CSRP3: variants seen among roughly 807,000 people sequenced by gnomAD.
CSRP3 encodes the protein cysteine and glycine-rich protein 3.
In CSRP3, 24 loss-of-function variants were observed where a neutral mutation model predicts 24.3. That is an observed-to-expected ratio of 0.99 (90% CI 0.71 to 1.39). The LOEUF (loss-of-function observed/expected upper bound fraction) is 1.39. CSRP3 is among the 40% of genes most tolerant of loss of function. CSRP3 has a pLI of 0.00. For synonymous variants in CSRP3, 105 were observed against 94.0 expected, an observed-to-expected ratio of 1.12 and a Z score of -0.68; for missense variants, 240 against 249.0, an observed-to-expected ratio of 0.96 and a Z score of 0.24.
chr11:19,198,289 A>G (rs1051775076), intron 1 of CSRP3, among the ~76,000 whole-genome samples: 1 of 152,208 alleles, frequency 6.6e-6, no homozygotes, highest in African/African-American at 2.4e-5. Flanking sequence ...TGTTTATAAC[A>G]CTGGAGAGAG....
chr11:19,193,114 C>T (rs1850642175), intron 1 of CSRP3, among the ~76,000 whole-genome samples: 1 of 152,148 alleles, frequency 6.6e-6, no homozygotes, highest in Admixed American at 6.5e-5. Flanking sequence ...TCCATACATT[C>T]CTTTTTAAGA....
At chr11:19,193,342 C>A (rs1174767397) in intron 1 of CSRP3, among the ~76,000 whole-genome samples, 2 of 152,128 alleles carry the variant, frequency 1.3e-5, no homozygotes, top group Non-Finnish European at 2.9e-5. Context: ...AGGAAGGTCC[C>A]ACAGAGTTCA....
At position 19,182,813 on chromosome 11, in the gene CSRP3, C is replaced by T; in HGVS notation, c.509-67G>A. Reference sequence around the variant, plus strand: ...TTAGTGCCATTTTTTTCAGGGCTTTCTGTCTGAGCACAGTCCTTTTAATTA... The same window carrying T: ...TTAGTGCCATTTTTTTCAGGGCTTTTTGTCTGAGCACAGTCCTTTTAATTA... On this transcript the variant is annotated intron_variant, in intron 5 of 5. Transcript: ENST00000265968. 2.8e-6 allele frequency: 3 copies of T among 1,082,230 alleles called. No homozygotes were observed. In the South Asian group the frequency reaches 3.7e-5, roughly 13 times the overall value. The allele number at this position is 1,082,230 out of a possible 1,614,324, so 67.0% of individuals were successfully genotyped here.
chr11:19,189,974 T>C (rs1012196620), intron 2 of CSRP3, among the ~76,000 whole-genome samples: 1 of 152,234 alleles, frequency 6.6e-6, no homozygotes, highest in African/African-American at 2.4e-5. Context: ...TGCTTGCATA[T>C]TTGCTGATGG....
intron 2 of CSRP3, among the ~76,000 whole-genome samples, chr11:19,190,044 C>T (rs1850590202): frequency 6.6e-6 from 1 of 152,214 alleles, no homozygotes; most frequent in African/African-American, 2.4e-5. Flanking sequence ...GAGAATTTAG[C>T]ACAAGGCCTG....
chr11:19,192,439 A>G lies in CSRP3; in HGVS notation c.10T>C (p.Trp4Arg), dbSNP rs45550635. MPN[W>R]GGGAKCGACE... Reference sequence around the variant, plus strand: ...GCTCCACATTTTGCGCCTCCGCCCCAGTTTGGCATCTTGAAGACTATCTGG... The same window carrying G: ...GCTCCACATTTTGCGCCTCCGCCCCGGTTTGGCATCTTGAAGACTATCTGG... Residue 4 changes from tryptophan (W) to arginine (R), a missense_variant, in exon 2 of 6, where the codon TGG becomes CGG. By Grantham distance (101) the Trp-to-Arg change is moderately radical. Transcript: ENST00000265968. 6,297 of 1,613,994 alleles carry G rather than the reference A, an allele frequency of 3.9e-3. 17 individuals carry two copies. Among genetic ancestry groups the G allele is most frequent in the Non-Finnish European group, 5.0e-3 (5,879 of 1,179,868 alleles).
chr11:19,192,734 A>G (rs1359637076), intron 1 of CSRP3, among the ~76,000 whole-genome samples: 1 of 152,202 alleles, frequency 6.6e-6, no homozygotes, highest in Non-Finnish European at 1.5e-5. Flanking sequence ...ATTCCTATGT[A>G]TCTCACAGGG....
chr11:19,195,066 A>T (rs1850676469), intron 1 of CSRP3, among the ~76,000 whole-genome samples: 1 of 152,000 alleles, frequency 6.6e-6, no homozygotes, highest in Non-Finnish European at 1.5e-5. Flanking sequence ...TAGTCTGGGG[A>T]TAAAGGCAGT....
intron 1 of CSRP3, among the ~76,000 whole-genome samples, chr11:19,195,370 T>C (rs760851791): frequency 2.6e-5 from 4 of 152,184 alleles, no homozygotes; most frequent in Non-Finnish European, 5.9e-5. Context: ...GATATTTTTC[T>C]TAGCCAACTT....
In CSRP3 at chr11:19,182,685, C is replaced by T; in HGVS notation, c.570G>A (p.Val190=). 1 of 1,614,124 alleles carries T rather than the reference C, an allele frequency of 6.2e-7. No homozygotes were observed. The stretch of plus-strand genomic sequence containing the variant: ...GCGCACCTCTTCATTCTTTCTTTTC[C>T]ACTTGTTGTGTAAGGCCTCCAAACC... ...GIGFGGLTQQ[V]EKKE Residue 190 remains valine (V), a synonymous_variant, in exon 6 of 6, where the codon GTG becomes GTA. Coordinates refer to ENST00000265968, the MANE Select transcript of CSRP3 (RefSeq NM_003476.5).
At chr11:19,186,785 G>T (rs1850533540) in intron 3 of CSRP3, among the ~76,000 whole-genome samples, 3 of 152,182 alleles carry the variant, frequency 2.0e-5, no homozygotes. Context: ...TTGACAATGG[G>T]TGCTAATCAG....
At chr11:19,191,914 A>G (rs1408212513) in intron 2 of CSRP3, among the ~76,000 whole-genome samples, 1 of 152,220 alleles carries the variant, frequency 6.6e-6, no homozygotes, top group African/African-American at 2.4e-5. Flanking sequence ...AGACAAGACC[A>G]GTCACAGCTG....
chr11:19,184,810 T>C, intron 5 of CSRP3, 142 bp downstream of exon 5: 1 of 727,594 alleles, frequency 1.4e-6, no homozygotes, highest in South Asian at 1.5e-5. Context: ...GTGGTTTTGC[T>C]CCTGAGAACC....
At chr11:19,195,567 T>A (rs1159858742) in intron 1 of CSRP3, among the ~76,000 whole-genome samples, 2 of 152,194 alleles carry the variant, frequency 1.3e-5, no homozygotes, top group African/African-American at 4.8e-5. Flanking sequence ...ATATAGAAAT[T>A]TTCAATGAAA....
chr11:19,195,976 T>A (rs921739802), intron 1 of CSRP3, among the ~76,000 whole-genome samples: 3 of 152,168 alleles, frequency 2.0e-5, no homozygotes, highest in Non-Finnish European at 2.9e-5. Flanking sequence ...TTTTAAAGCA[T>A]CCTGAATCCA....
At chr11:19,195,131 A>G (rs952077070) in intron 1 of CSRP3, among the ~76,000 whole-genome samples, 10 of 151,926 alleles carry the variant, frequency 6.6e-5, no homozygotes, top group Non-Finnish European at 1.2e-4. Flanking sequence ...TTGAAGGGTG[A>G]ATAGGAGTTC....
intron 1 of CSRP3, 97 bp from the exon 2 acceptor site, chr11:19,192,573 A>G (rs1404357373): frequency 9.6e-6 from 7 of 729,756 alleles, no homozygotes; most frequent in South Asian, 3.0e-5. Context: ...ATCCAGCCCA[A>G]TTTTTTTTTA....
In CSRP3 at chr11:19,188,118, A is replaced by G; in HGVS notation, c.281+18T>C. Reference sequence around the variant, plus strand: ...TTGGAGACTTTAACAGGCAAGGGGGAGCAGGGCAGTAACTCACTGTTGGAA... The same window carrying G: ...TTGGAGACTTTAACAGGCAAGGGGGGGCAGGGCAGTAACTCACTGTTGGAA... On this transcript the variant is annotated intron_variant, in intron 3 of 5. Coordinates refer to ENST00000265968, the MANE Select transcript of CSRP3 (RefSeq NM_003476.5). 11 of 1,614,000 alleles carry G rather than the reference A, an allele frequency of 6.8e-6. No homozygotes were observed. The highest frequency in any genetic ancestry group is 9.3e-6 in the Non-Finnish European group (11 of 1,179,920).
intron 1 of CSRP3, chr11:19,196,945 T>C (rs1389857019): frequency 6.6e-6 from 1 of 152,204 alleles, no homozygotes; most frequent in Non-Finnish European, 1.5e-5. Flanking sequence ...GTGCCCACTT[T>C]TAAACTAAGA....
Sources: allele counts gnomAD v4.1 joint callset (sites outside exome capture counted in the v4.1 genomes callset), GRCh38; gene constraint gnomAD v4.1.1; transcripts MANE v1.5; gene names NCBI Gene and HGNC (gene_info 2026-07-23, HGNC 2026-07-21).